Variants in AP5Z1 observed in about 807,000 individuals in gnomAD.
AP5Z1 encodes adaptor related protein complex 5 subunit zeta 1, also known as AP-5 complex subunit zeta-1.
In AP5Z1, 106 loss-of-function variants were observed where a neutral mutation model predicts 83.0. The ratio of observed to expected loss-of-function variants is 1.28; its 90% CI spans 1.09 to 1.50. AP5Z1 has a LOEUF of 1.50. Among genes scored for constraint, AP5Z1 ranks in the 40% most tolerant of loss-of-function variants. The pLI, the probability that AP5Z1 is intolerant of heterozygous loss-of-function variation, is 0.00. For missense variants in AP5Z1, 1,565 were observed against 1,094.2 expected, an observed-to-expected ratio of 1.43 and a Z score of -6.07; for synonymous variants, 751 against 514.1, an observed-to-expected ratio of 1.46 and a Z score of -6.23.
rs1306694334 is a variant in AP5Z1, at chr7:4,793,706, C to CT, written c.*2323dup. The CT allele has an allele frequency of 2.0e-5, 3 of 153,490 alleles. No homozygotes were observed. Among genetic ancestry groups the CT allele is most frequent in the African/African-American group, 4.8e-5 (2 of 41,500 alleles). The allele number at this position is 153,490 out of a possible 1,614,324, so 9.5% of individuals were successfully genotyped here. On this transcript the variant is annotated 3_prime_UTR_variant, in exon 17 of 17. Coordinates refer to ENST00000649063, the MANE Select transcript of AP5Z1 (RefSeq NM_014855.3). ...TGCTGTGCTCGATTTCTCACTGGGC[C>CT]TTAGCTGCCTTCCTGCGGGGCAGGG...
At chr7:4,788,036 C>T (rs533659631) in intron 11 of AP5Z1, 118 bp from the exon 12 acceptor site, 3 of 1,411,642 alleles carry the variant, frequency 2.1e-6, no homozygotes, top group Middle Eastern at 2.6e-4. Context: ...ATGCCAAGCC[C>T]TTCCTGGCAC....
At chr7:4,781,889 C>T (rs139085572) in intron 3 of AP5Z1, 135 bp downstream of exon 3, 73 of 1,089,410 alleles carry the variant, frequency 6.7e-5, no homozygotes, top group Admixed American at 9.4e-5. Context: ...GTGCCTGGCA[C>T]ACTTGAGGCT....
Position 4,784,959 on chromosome 7 carries a change from C to T in AP5Z1, c.842C>T (p.Ser281Phe). ...GSTLSVISAT[S>F]SAGRLLPPRE... ...ACTCTGTCGGTGATCTCCGCCACCT[C>T]CTCTGCCGGCCGCCTGCTGCCGCCC... is the stretch of plus-strand genomic sequence containing the variant. Residue 281 changes from serine (S) to phenylalanine (F), a missense_variant, in exon 7 of 17, where the codon TCC (serine) becomes TTC (phenylalanine). By Grantham distance (155) the Ser-to-Phe change is radical. Transcript: ENST00000649063. 1 of 1,612,088 alleles carries T rather than the reference C, an allele frequency of 6.2e-7. No individual in the cohort carries two copies. Among genetic ancestry groups the T allele is most frequent in the Non-Finnish European group, 8.5e-7 (1 of 1,179,456 alleles).
intron 13 of AP5Z1, among the ~76,000 whole-genome samples, chr7:4,789,423 C>G (rs1381131123): frequency 6.6e-6 from 1 of 152,216 alleles, no homozygotes; most frequent in African/African-American, 2.4e-5. Flanking sequence ...AAGGCTCCCA[C>G]AGGCTGGTGC....
chr7:4,783,899 C>T (rs1445913025), intron 5 of AP5Z1, 101 bp downstream of exon 5: 10 of 1,284,030 alleles, frequency 7.8e-6, no homozygotes, highest in South Asian at 2.8e-5. Context: ...TGTCGTTCCG[C>T]GGGGTCCAGG....
Position 4,786,422 on chromosome 7 carries a change from C to A in AP5Z1, c.1305C>A (p.Leu435=). Residue 435 remains leucine, a synonymous_variant, in exon 10 of 17, where the codon CTC becomes CTA. Coordinates refer to ENST00000649063, the MANE Select transcript of AP5Z1 (RefSeq NM_014855.3). ...CCCTCAGATTGAGCTTCCCCAACCT[C>A]TTTAAGGTATATTTGGGCATCCCTG... ...LSTLRLSFPN[L]FKFLAWNSPP... 1 of 1,613,784 alleles carries A rather than the reference C, an allele frequency of 6.2e-7. No individual in the cohort carries two copies. The highest frequency in any genetic ancestry group is 8.5e-7 in the Non-Finnish European group (1 of 1,179,842).
At position 4,790,477 on chromosome 7, in the gene AP5Z1, C is replaced by G. The variant is rs181363590; in HGVS notation, c.1824C>G (p.Phe608Leu). 2 of 1,613,198 alleles carry G rather than the reference C, an allele frequency of 1.2e-6. No individual in the cohort carries two copies. Among genetic ancestry groups the G allele is most frequent in the African/African-American group, 1.3e-5 (1 of 75,058 alleles). ...TGGGCAGTGTGCTGAGTTCTCAGTT[C>G]CTGGCCCTGTGTACGCTGAAACCCT... is the stretch of plus-strand genomic sequence containing the variant. ...AGVHSVLSSQ[F>L]LALCTLKPSL... is the part of the protein sequence containing the mutation. The change falls in exon 15 of 17, where the codon TTC becomes TTG. Residue 608 changes from phenylalanine to leucine, a missense_variant. Physicochemically the swap from Phe to Leu is conservative, Grantham distance 22. Coordinates refer to ENST00000649063, the MANE Select transcript of AP5Z1 (RefSeq NM_014855.3).
In AP5Z1 at chr7:4,791,626, G is replaced by A. The variant is rs570957705; in HGVS notation, c.*241G>A. On this transcript the variant is annotated 3_prime_UTR_variant, in exon 17 of 17. Coordinates refer to ENST00000649063, the MANE Select transcript of AP5Z1 (RefSeq NM_014855.3). ...GCTGAGCTGAGGGGTGCCATGGAGCGGCTCTGATTGGAGGCTTGAGGCCCT... is the reference window on the plus strand; with the variant it reads ...GCTGAGCTGAGGGGTGCCATGGAGCAGCTCTGATTGGAGGCTTGAGGCCCT... 74 of 583,410 alleles carry A rather than the reference G, an allele frequency of 1.3e-4. No homozygotes were observed. The highest frequency in any genetic ancestry group is 5.0e-4 in the East Asian group (17 of 34,326). The allele number at this position is 583,410 out of a possible 1,614,324, so 36.1% of individuals were successfully genotyped here. A position where few individuals can be genotyped will look rare whatever the true frequency, so the allele number is the denominator to read the frequency against.
chr7:4,791,174 C>T lies in AP5Z1; in HGVS notation c.2213C>T (p.Thr738Met), dbSNP rs1781757996. 7.6e-6 allele frequency: 12 copies of T among 1,587,042 alleles called. No homozygotes were observed. Among genetic ancestry groups the T allele is most frequent in the South Asian group, 2.2e-5 (2 of 90,832 alleles). Reference sequence around the variant, plus strand: ...GCTCACAGTCCAGCCACCAGCTCCACGCACAGCGAGGAGGGCGCGGAAGCC... The same window carrying T: ...GCTCACAGTCCAGCCACCAGCTCCATGCACAGCGAGGAGGGCGCGGAAGCC... ...TLAHSPATSS[T>M]HSEEGAEAIR... Residue 738 changes from threonine (T) to methionine (M), a missense_variant, in exon 17 of 17, where the codon ACG (threonine) becomes ATG (methionine). By Grantham distance (81) the Thr-to-Met change is moderately conservative. Transcript: ENST00000649063.
Position 4,791,678 on chromosome 7 carries a change from G to T in AP5Z1, c.*293G>T. ...TGGCTGGGTCGGGTGGAGGCTGCTGGGTCTGTTTCCTAGTCTTTTGTTTTT... is the reference window on the plus strand; with the variant it reads ...TGGCTGGGTCGGGTGGAGGCTGCTGTGTCTGTTTCCTAGTCTTTTGTTTTT... On this transcript the variant is annotated 3_prime_UTR_variant, in exon 17 of 17. Coordinates refer to ENST00000649063, the MANE Select transcript of AP5Z1 (RefSeq NM_014855.3). The T allele has an allele frequency of 2.0e-6, 1 of 495,402 alleles. No individual in the cohort carries two copies. The highest frequency in any genetic ancestry group is 3.6e-6 in the Non-Finnish European group (1 of 280,074). 30.7% of individuals were successfully genotyped at this position (495,402 alleles called of 1,614,324 possible). A position where few individuals can be genotyped will look rare whatever the true frequency, so the allele number is the denominator to read the frequency against.
chr7:4,782,142 T>C (rs1781400723), intron 3 of AP5Z1, among the ~76,000 whole-genome samples: 1 of 152,168 alleles, frequency 6.6e-6, no homozygotes, highest in Non-Finnish European at 1.5e-5. Flanking sequence ...AGCCTCGACC[T>C]CCCTGGCTCA....
rs1387884481 is a variant in AP5Z1 at position 4,785,550 on chromosome 7, A to C, written c.998A>C (p.Asp333Ala). The C allele has an allele frequency of 6.2e-7, 1 of 1,612,380 alleles. No homozygotes were observed. Among genetic ancestry groups the C allele is most frequent in the Admixed American group, 1.7e-5 (1 of 59,872 alleles). Residue 333 changes from aspartate (D) to alanine (A), a missense_variant, in exon 9 of 17, where the codon GAC (aspartate) becomes GCC (alanine). By Grantham distance (126) the Asp-to-Ala change is moderately radical (BLOSUM62 -2). Coordinates refer to ENST00000649063, the MANE Select transcript of AP5Z1 (RefSeq NM_014855.3). ...CTGGTGGAGGCCGTGCTGGTGCTGG[A>C]CGTGCTGTGCCGGCAGGACCCGTCC... ...ACLVEAVLVL[D>A]VLCRQDPSFL...
intron 3 of AP5Z1, among the ~76,000 whole-genome samples, chr7:4,782,482 G>A (rs1408366292): frequency 1.3e-5 from 2 of 152,160 alleles, no homozygotes; most frequent in Non-Finnish European, 2.9e-5. Context: ...CGATGGAGCT[G>A]GGCTTTTCCC....
rs1486576596 is a variant in AP5Z1, at chr7:4,779,225, T to TA, written c.42-1949dup. On this transcript the variant is annotated intron_variant, in intron 1 of 16. Coordinates refer to ENST00000649063, the MANE Select transcript of AP5Z1 (RefSeq NM_014855.3). Reference sequence around the variant, plus strand: ...TATAGCATATATTATGTATAACATATATTAGATATAACATATATAACATTA... The same window carrying TA: ...TATAGCATATATTATGTATAACATATAATTAGATATAACATATATAACATTA... Among the ~76,000 whole-genome samples, 5 of 145,758 alleles carry TA rather than the reference T, an allele frequency of 3.4e-5. No individual in the cohort carries two copies. In the East Asian group the frequency reaches 9.8e-4, roughly 28 times the overall value.
chr7:4,776,595 CGTG>C (rs1781235909), intron 1 of AP5Z1, among the ~76,000 whole-genome samples: 2 of 148,616 alleles, frequency 1.3e-5, no homozygotes, highest in Non-Finnish European at 3.0e-5. Flanking sequence ...ATTAGCCGGG[CGTG>C]GTGGTGGGTG....
At position 4,781,568 on chromosome 7, in the gene AP5Z1, G is replaced by T. The variant is rs1301823772; in HGVS notation, c.180G>T (p.Arg60Ser). 2.5e-6 allele frequency: 4 copies of T among 1,604,180 alleles called. No individual in the cohort carries two copies. In the African/African-American group the frequency reaches 5.4e-5, roughly 21 times the overall value. ...LIISATKYSR[R>S]LEKTCVDLLQ... is the part of the protein sequence containing the mutation. ...CCACCACGGGCATCTCGCCTTCCAG[G>T]CTGGAGAAGACATGCGTAGACCTGC... is the stretch of plus-strand genomic sequence containing the variant. Residue 60 changes from arginine (R) to serine (S), a missense_variant and splice_region_variant, in exon 3 of 17, where the codon AGG (arginine) becomes AGT (serine). Coordinates refer to ENST00000649063, the MANE Select transcript of AP5Z1 (RefSeq NM_014855.3).
chr7:4,782,950 G>A (rs779715598), intron 3 of AP5Z1, among the ~76,000 whole-genome samples: 4 of 152,242 alleles, frequency 2.6e-5, no homozygotes, highest in Non-Finnish European at 2.9e-5. Flanking sequence ...TTCAGCACCT[G>A]GGTGTGCAGA....
chr7:4,793,899 A>G lies in AP5Z1; in HGVS notation c.*2514A>G, dbSNP rs1394698160. On this transcript the variant is annotated 3_prime_UTR_variant, in exon 17 of 17. Coordinates refer to ENST00000649063, the MANE Select transcript of AP5Z1 (RefSeq NM_014855.3). ...GGAGCAGGGCACGGGACTGGCAGGCAGCTCTACCTGCAGCCCCTGTGCAGG... is the reference window on the plus strand; with the variant it reads ...GGAGCAGGGCACGGGACTGGCAGGCGGCTCTACCTGCAGCCCCTGTGCAGG... 6.6e-6 allele frequency: 1 copy of G among 152,570 alleles called. No individual in the cohort carries two copies. The highest frequency in any genetic ancestry group is 1.5e-5 in the Non-Finnish European group (1 of 68,316). The allele number at this position is 152,570 out of a possible 1,614,324, so 9.5% of individuals were successfully genotyped here.
Position 4,786,341 on chromosome 7 carries a change from T to G in AP5Z1, c.1224T>G (p.Phe408Leu), listed in dbSNP as rs779223184. The change falls in exon 10 of 17, where the codon TTT (phenylalanine) becomes TTG (leucine). Residue 408 changes from phenylalanine to leucine, a missense_variant. Transcript: ENST00000649063. Reference protein sequence around the residue: ...VEQFHSPMLAFEFIQFCRDNL... With the variant: ...VEQFHSPMLALEFIQFCRDNL... Reference sequence around the variant, plus strand: ...AGTTCCACAGCCCCATGCTGGCCTTTGAATTCATCCAGTTCTGCAGGGACA... The same window carrying G: ...AGTTCCACAGCCCCATGCTGGCCTTGGAATTCATCCAGTTCTGCAGGGACA... 3.1e-6 allele frequency: 5 copies of G among 1,613,942 alleles called. No homozygotes were observed. Among genetic ancestry groups the G allele is most frequent in the African/African-American group, 1.3e-5 (1 of 75,064 alleles).
Sources: gnomAD v4.1 joint callset for allele counts (sites outside exome capture counted in the v4.1 genomes callset) on GRCh38, gnomAD v4.1.1 for gene constraint, MANE v1.5 for transcripts, NCBI Gene and HGNC (gene_info 2026-07-23, HGNC 2026-07-21) for gene names.